Variants in PRELID2 observed in about 807,000 individuals in gnomAD.
The protein encoded by PRELID2 is PRELI domain-containing protein 2.
PRELID2 carries 25 observed loss-of-function variants against 28.4 expected under a neutral mutation model. The ratio of observed to expected loss-of-function variants is 0.88; its 90% confidence interval spans 0.64 to 1.23. The LOEUF (loss-of-function observed/expected upper bound fraction) is 1.23, where lower values mean the gene tolerates loss of function less well. PRELID2 is among the 50% of genes most tolerant of loss of function. The pLI is 0.00. For synonymous variants in PRELID2, 76 were observed against 71.6 expected, an observed-to-expected ratio of 1.06 and a Z score of -0.31; for missense variants, 201 against 214.4, an observed-to-expected ratio of 0.94 and a Z score of 0.39.
the PRELID2 span, among the ~76,000 whole-genome samples, chr5:145,451,971 C>T: frequency 6.6e-6 from 1 of 152,150 alleles, no homozygotes; most frequent in Non-Finnish European, 1.5e-5. Flanking sequence ...AGACCTGGCC[C>T]TTGTTCTTGC....
rs140307354 is a variant in PRELID2, at chr5:145,635,194, T to C, written n.70+129737A>G. Among the ~76,000 whole-genome samples the C allele has an allele frequency of 5.6e-4, 85 of 152,340 alleles. No homozygotes were observed. In the East Asian group the frequency reaches 0.013, roughly 24 times the overall value. ...ACTTTGGGGTTTTTGTCTAGGATTGTTTGTGTCTGTCTCTTCAACTGAAAC... is the reference window on the plus strand; with the variant it reads ...ACTTTGGGGTTTTTGTCTAGGATTGCTTGTGTCTGTCTCTTCAACTGAAAC... On this transcript the variant is annotated intron_variant and non_coding_transcript_variant, in intron 1 of 2. Coordinates refer to the PRELID2 transcript ENST00000510259.
chr5:145,707,400 G>A (rs1227705827), intron 1 of PRELID2, among the ~76,000 whole-genome samples: 1 of 152,216 alleles, frequency 6.6e-6, no homozygotes, highest in African/African-American at 2.4e-5. Flanking sequence ...ATGTCGGAAA[G>A]AAGGTAATTT....
At chr5:145,800,236 T>C (rs936145673) in intron 4 of PRELID2, among the ~76,000 whole-genome samples, 1 of 151,130 alleles carries the variant, frequency 6.6e-6, no homozygotes, top group South Asian at 2.1e-4. Flanking sequence ...AGATCATGCA[T>C]ACAATAAAAG....
chr5:145,560,667 G>A (rs546358021), intron 1 of PRELID2, among the ~76,000 whole-genome samples: 20 of 152,298 alleles, frequency 1.3e-4, no homozygotes, highest in African/African-American at 4.6e-4. Flanking sequence ...ATCTATTTTG[G>A]TTAGATATGT....
intron 1 of PRELID2, among the ~76,000 whole-genome samples, chr5:145,674,575 C>T (rs1754776661): frequency 6.6e-6 from 1 of 152,072 alleles, no homozygotes; most frequent in Admixed American, 6.6e-5. Flanking sequence ...CCTGGTAAGT[C>T]AAATGGAAAA....
intron 2 of PRELID2, among the ~76,000 whole-genome samples, chr5:145,472,486 T>C (rs548520000): frequency 3.3e-5 from 5 of 152,244 alleles, no homozygotes; most frequent in Non-Finnish European, 5.9e-5. Flanking sequence ...TTTATACTAA[T>C]TACATTAAAG....
At chr5:145,786,920 G>A (rs1414024750) in intron 5 of PRELID2, among the ~76,000 whole-genome samples, 1 of 152,118 alleles carries the variant, frequency 6.6e-6, no homozygotes, top group Non-Finnish European at 1.5e-5. Context: ...GCATGTCTAG[G>A]CCAGACCTTC....
At chr5:145,416,353 AC>A in the PRELID2 span, among the ~76,000 whole-genome samples, 31 of 152,222 alleles carry the variant, frequency 2.0e-4, no homozygotes, top group Admixed American at 1.8e-3. Flanking sequence ...GGACATAGGC[AC>A]GGGCAAGGAC....
At chr5:145,423,009 G>A in the PRELID2 span, among the ~76,000 whole-genome samples, 4 of 146,056 alleles carry the variant, frequency 2.7e-5, no homozygotes, top group South Asian at 8.9e-4. Context: ...TAGTTTGGCT[G>A]GATATGAAAT....
At chr5:145,486,631 C>G (rs1453454111) in intron 1 of PRELID2, among the ~76,000 whole-genome samples, 3 of 152,028 alleles carry the variant, frequency 2.0e-5, no homozygotes, top group Non-Finnish European at 4.4e-5. Flanking sequence ...CATGTGCTGT[C>G]AGTAAGTATT....
the PRELID2 span, among the ~76,000 whole-genome samples, chr5:145,414,675 G>A: frequency 6.6e-6 from 1 of 152,110 alleles, no homozygotes; most frequent in South Asian, 2.1e-4. Flanking sequence ...AAACTGACCT[G>A]GCAGAATTGT....
intron 6 of PRELID2, among the ~76,000 whole-genome samples, chr5:145,763,576 C>T (rs58545626): frequency 5.3e-5 from 8 of 152,300 alleles, no homozygotes; most frequent in East Asian, 3.9e-4. Context: ...ATGCTTTACA[C>T]GCCAAGGTGC....
chr5:145,272,360 T>G, the PRELID2 span, among the ~76,000 whole-genome samples: 1 of 152,130 alleles, frequency 6.6e-6, no homozygotes, highest in East Asian at 1.9e-4. Context: ...TGATAAGGAC[T>G]GTGGTAATGC....
chr5:145,692,652 C>T (rs966372903), intron 1 of PRELID2, among the ~76,000 whole-genome samples: 25 of 152,146 alleles, frequency 1.6e-4, no homozygotes, highest in Non-Finnish European at 5.9e-5. Flanking sequence ...TTACAAATGG[C>T]AAAGGAGTGA....
the PRELID2 span, among the ~76,000 whole-genome samples, chr5:145,380,174 C>A: frequency 2.6e-5 from 4 of 152,204 alleles, no homozygotes; most frequent in African/African-American, 9.6e-5. Flanking sequence ...TCTCCTCATG[C>A]CGGGGTCCCA....
chr5:145,615,336 T>G (rs1390841177), intron 1 of PRELID2, among the ~76,000 whole-genome samples: 6 of 132,394 alleles, frequency 4.5e-5, no homozygotes, highest in South Asian at 2.4e-4. Context: ...TGTTTTTTTT[T>G]TTTTTTTTTG....
At chr5:145,443,764 A>T in the PRELID2 span, among the ~76,000 whole-genome samples, 1 of 152,016 alleles carries the variant, frequency 6.6e-6, no homozygotes, top group Non-Finnish European at 1.5e-5. Context: ...AAAACTGAAG[A>T]TCAGAGAGGG....
the PRELID2 span, among the ~76,000 whole-genome samples, chr5:145,385,831 C>T: frequency 1.3e-5 from 2 of 152,206 alleles, no homozygotes; most frequent in South Asian, 2.1e-4. Context: ...CTTCATAAAG[C>T]CTTTCCAGTA....
the PRELID2 span, among the ~76,000 whole-genome samples, chr5:145,425,671 C>T: frequency 1.3e-5 from 2 of 152,080 alleles, no homozygotes; most frequent in African/African-American, 4.8e-5. Flanking sequence ...AACCAACCAC[C>T]TCATATTCTC....
Sources: allele counts gnomAD v4.1 joint callset (sites outside exome capture counted in the v4.1 genomes callset), GRCh38; gene constraint gnomAD v4.1.1; transcripts MANE v1.5; gene names NCBI Gene and HGNC (gene_info 2026-07-23, HGNC 2026-07-21).